The following LSM7 variants were observed in gnomAD, a reference collection of about 807,000 sequenced individuals.
LSM7 encodes the protein U6 snRNA-associated Sm-like protein LSm7.
A neutral mutation model predicts 14.1 loss-of-function variants in LSM7; 13 were observed. The observed-to-expected ratio is 0.92, with a 90% CI of 0.60 to 1.47. The LOEUF (loss-of-function observed/expected upper bound fraction) is 1.47, where lower values mean the gene tolerates loss of function less well. Ranked by LOEUF, LSM7 falls within the 40% of genes most tolerant of loss-of-function variation. The pLI, the probability that LSM7 is intolerant of heterozygous loss-of-function variation, is 0.00. For synonymous variants in LSM7, 70 were observed against 57.1 expected (o/e 1.23, Z -1.02); for missense variants, 108 against 140.8 (o/e 0.77, Z 1.18).
intron 2 of LSM7, chr19:2,328,100 G>T (rs529716266): frequency 1.3e-4 from 43 of 329,592 alleles, no homozygotes; most frequent in Non-Finnish European, 2.3e-4. Flanking sequence ...GGCCAACATG[G>T]CCTCTCTACT....
Position 2,321,934 on chromosome 19 carries a change from G to T in LSM7, c.170-112C>A. 1 of 1,010,054 alleles carries T rather than the reference G, an allele frequency of 9.9e-7. No individual in the cohort carries two copies. The highest frequency in any genetic ancestry group is 1.3e-6 in the Non-Finnish European group (1 of 764,504). 62.6% of individuals were successfully genotyped at this position (1,010,054 alleles called of 1,614,324 possible). A position where few individuals can be genotyped will look rare whatever the true frequency, so the allele number is the denominator to read the frequency against. On this transcript the variant is annotated intron_variant, in intron 3 of 3. Transcript: ENST00000252622. This position sits in a 1 kb window ranked among gnomAD's most constrained non-coding sequence, Gnocchi z 5.0. Reference sequence around the variant, plus strand: ...CCCACCTGCACCCTGCAGGCGCCACGAGCACGCAGGGACCTCAGACGGGAT... The same window carrying T: ...CCCACCTGCACCCTGCAGGCGCCACTAGCACGCAGGGACCTCAGACGGGAT...
chr19:2,324,542 A>T, intron 2 of LSM7: 1 of 299,508 alleles, frequency 3.3e-6, no homozygotes, highest in Non-Finnish European at 6.3e-6. Context: ...CAGGCACTGA[A>T]CTGTGAATTT....
intron 2 of LSM7, chr19:2,328,130 G>T: frequency 2.4e-6 from 1 of 409,882 alleles, no homozygotes; most frequent in Non-Finnish European, 4.4e-6. Context: ...AATATTAGCC[G>T]GGCGTGGTGG....
intron 2 of LSM7, 133 bp downstream of exon 2, chr19:2,328,254 A>T: frequency 1.3e-6 from 1 of 774,652 alleles, no homozygotes; most frequent in Non-Finnish European, 2.0e-6. Context: ...CGGGTGACAG[A>T]GCGAGACTGC....
chr19:2,322,049 C>T (rs568896457), intron 3 of LSM7, among the ~76,000 whole-genome samples: 10 of 152,226 alleles, frequency 6.6e-5, no homozygotes, highest in African/African-American at 2.4e-4. Context: ...AGCCACAGCC[C>T]TCCCTCACTC....
intron 3 of LSM7, among the ~76,000 whole-genome samples, chr19:2,322,224 G>A (rs939105291): frequency 5.9e-5 from 9 of 152,176 alleles, no homozygotes; most frequent in African/African-American, 2.2e-4. Context: ...GAGCCCTAGG[G>A]GGCCAATATT....
intron 2 of LSM7, chr19:2,327,901 C>G (rs1256013280): frequency 6.3e-6 from 1 of 157,634 alleles, no homozygotes; most frequent in Non-Finnish European, 1.4e-5. Context: ...TTCATTCTCA[C>G]CACCCCCTGT....
In LSM7 at chr19:2,321,949, TCA is replaced by T. The variant is rs1163244160; in HGVS notation, c.170-129_170-128del. On this transcript the variant is annotated intron_variant, in intron 3 of 3. Coordinates refer to ENST00000252622, the MANE Select transcript of LSM7 (RefSeq NM_016199.3). The surrounding 1 kb of genome is among the most constrained non-coding windows in gnomAD (Gnocchi z 5.0). ...CAGGCGCCACGAGCACGCAGGGACCTCAGACGGGATGCGCTCTGTGGGGCAGG... is the reference window on the plus strand; with the variant it reads ...CAGGCGCCACGAGCACGCAGGGACCTGACGGGATGCGCTCTGTGGGGCAGG... 15 of 846,852 alleles carry T rather than the reference TCA, an allele frequency of 1.8e-5. No homozygotes were observed. Among genetic ancestry groups the T allele is most frequent in the Non-Finnish European group, 2.4e-5 (15 of 617,432 alleles). The allele number at this position is 846,852 out of a possible 1,614,324, so 52.5% of individuals were successfully genotyped here.
chr19:2,321,874 ACCCC>A lies in LSM7; in HGVS notation c.170-56_170-53del. On this transcript the variant is annotated intron_variant, in intron 3 of 3. Coordinates refer to ENST00000252622, the MANE Select transcript of LSM7 (RefSeq NM_016199.3). The surrounding 1 kb of genome is among the most constrained non-coding windows in gnomAD (Gnocchi z 5.0). ...GAGGGACCTCCAGGAAGCCTCCGAG[ACCCC>A]CCACCCACCCAAGACCCTCGCTCCG... 7.5e-7 allele frequency: 1 copy of A among 1,341,214 alleles called. No individual in the cohort carries two copies. Among genetic ancestry groups the A allele is most frequent in the Non-Finnish European group, 9.6e-7 (1 of 1,039,450 alleles). The allele number at this position is 1,341,214 out of a possible 1,614,324, so 83.1% of individuals were successfully genotyped here.
At position 2,327,230 on chromosome 19, in the gene LSM7, G is replaced by T. The variant is rs1020498010; in HGVS notation, c.97+1157C>A. On this transcript the variant is annotated intron_variant, in intron 2 of 3. Transcript: ENST00000252622. ...TCCTTCCATGTCCGGAGTCAGCATG[G>T]TGTAGACTGAGAAAACATTTTATTC... Among the ~76,000 whole-genome samples the T allele has an allele frequency of 3.3e-5, 5 of 152,240 alleles. No homozygotes were observed. The East Asian group carries it at 5.8e-4, about 18-fold the overall frequency.
chr19:2,321,669 C>T lies in LSM7; in HGVS notation c.*11G>A, dbSNP rs1442694295. ...CGGGCCTGCCCTGCACCCCCCGCGC[C>T]CCCGGCCAGGCTAGGCGTCCTGCTG... On this transcript the variant is annotated 3_prime_UTR_variant, in exon 4 of 4. Transcript: ENST00000252622. This position sits in a 1 kb window ranked among gnomAD's most constrained non-coding sequence, Gnocchi z 5.0. The T allele has an allele frequency of 2.0e-6, 3 of 1,499,890 alleles. No individual in the cohort carries two copies. Among genetic ancestry groups the T allele is most frequent in the East Asian group, 5.2e-5 (2 of 38,780 alleles). The allele number at this position is 1,499,890 out of a possible 1,614,324, so 92.9% of individuals were successfully genotyped here.
intron 3 of LSM7, among the ~76,000 whole-genome samples, chr19:2,322,641 C>T (rs1020310578): frequency 6.6e-6 from 1 of 152,206 alleles, no homozygotes; most frequent in Admixed American, 6.5e-5. Flanking sequence ...TCTCAAGAGG[C>T]TGAAGGCGAT....
chr19:2,323,525 A>G (rs571831225), intron 3 of LSM7, among the ~76,000 whole-genome samples: 2 of 152,268 alleles, frequency 1.3e-5, no homozygotes, highest in South Asian at 2.1e-4. Flanking sequence ...ATCTCGGCTC[A>G]CTGCAACCTC....
At chr19:2,324,039 GTCCCAC>G in intron 3 of LSM7, 80 bp downstream of exon 3, 5 of 761,638 alleles carry the variant, frequency 6.6e-6, no homozygotes, top group African/African-American at 1.9e-5. Context: ...TGCCCCCCTC[GTCCCAC>G]TGCCCCCCTC....
chr19:2,326,312 T>TTTTGTGTGTGTG (rs1491525398), intron 2 of LSM7, among the ~76,000 whole-genome samples: 2 of 129,674 alleles, frequency 1.5e-5, no homozygotes, highest in African/African-American at 2.8e-5. Context: ...TTTCTGCTTT[T>TTTTGTGTGTGTG]TGTGTGTGTG....
chr19:2,323,595 C>T (rs1025508361), intron 3 of LSM7, among the ~76,000 whole-genome samples: 2 of 152,166 alleles, frequency 1.3e-5, no homozygotes, highest in South Asian at 2.1e-4. Context: ...GGATTACAGG[C>T]ATGCGCCACC....
chr19:2,328,372 C>A lies in LSM7; in HGVS notation c.97+15G>T. The stretch of plus-strand genomic sequence containing the variant: ...ATTTTTAAAGAGGGGGTACCGACAG[C>A]GGGAGCCTCCTCACCTTCGCGGCCT... On this transcript the variant is annotated intron_variant, in intron 2 of 3. Transcript: ENST00000252622. 1 of 1,611,546 alleles carries A rather than the reference C, an allele frequency of 6.2e-7. No homozygotes were observed. Among genetic ancestry groups the A allele is most frequent in the South Asian group, 1.1e-5 (1 of 90,970 alleles).
In LSM7 at chr19:2,328,452, C is replaced by T. The variant is rs1433054918; in HGVS notation, c.32G>A (p.Ser11Asn). Residue 11 changes from serine to asparagine, a missense_variant, in exon 2 of 4, where the codon AGC (serine) becomes AAC (asparagine). Transcript: ENST00000252622. ...GATGTACTTGGACAAGTCCAAGATG[C>T]TCTCCTTTTTCTTCTTCTCCTTATC... is the stretch of plus-strand genomic sequence containing the variant. The part of the protein sequence containing the change: MADKEKKKKE[S>N]ILDLSKYIDK... 2.5e-6 allele frequency: 4 copies of T among 1,613,806 alleles called. No homozygotes were observed. Among genetic ancestry groups the T allele is most frequent in the Middle Eastern group, 3.3e-4 (2 of 6,084 alleles).
chr19:2,323,263 T>C (rs988397275), intron 3 of LSM7, among the ~76,000 whole-genome samples: 2 of 152,082 alleles, frequency 1.3e-5, no homozygotes, highest in Admixed American at 1.3e-4. Context: ...ATAGCGGGAA[T>C]TAACAAGGGC....
Sources: allele counts gnomAD v4.1 joint callset (sites outside exome capture counted in the v4.1 genomes callset), GRCh38; gene constraint gnomAD v4.1.1; non-coding constraint Gnocchi (gnomAD v3.1); transcripts MANE v1.5; gene names NCBI Gene and HGNC (gene_info 2026-07-23, HGNC 2026-07-21).